LRR1: variants seen among roughly 807,000 people sequenced by gnomAD.
LRR1 encodes the protein leucine rich repeat protein 1.
LRR1 carries 29 observed loss-of-function variants against 31.6 expected under a neutral mutation model. The observed-to-expected ratio is 0.92, with a 90% CI of 0.68 to 1.25. The LOEUF (loss-of-function observed/expected upper bound fraction) is 1.25, where lower values mean the gene tolerates loss of function less well. Among genes scored for constraint, LRR1 ranks in the 50% most tolerant of loss-of-function variants. The pLI, the probability that LRR1 is intolerant of heterozygous loss-of-function variation, is 0.00. For missense variants in LRR1, 485 were observed against 487.2 expected, an observed-to-expected ratio of 1.00 and a Z score of 0.04; for synonymous variants, 179 against 181.4, an observed-to-expected ratio of 0.99 and a Z score of 0.10.
At chr14:49,601,255 C>T in intron 1 of LRR1, 5 of 1,206,414 alleles carry the variant, frequency 4.1e-6, no homozygotes, top group Admixed American at 2.8e-5. Context: ...CCTGCACTTG[C>T]CTTGTCTTGA....
chr14:49,614,546 A>C lies in LRR1; in HGVS notation c.*50A>C. The stretch of plus-strand genomic sequence containing the variant: ...TCAATAACAGATCAGTTTGGGGTGC[A>C]TGTATGATTTTGCAGCGTCAAATTG... On this transcript the variant is annotated 3_prime_UTR_variant, in exon 4 of 4. Transcript: ENST00000298288. The C allele has an allele frequency of 6.2e-7, 1 of 1,610,656 alleles. No homozygotes were observed. Among genetic ancestry groups the C allele is most frequent in the Non-Finnish European group, 8.5e-7 (1 of 1,179,042 alleles).
chr14:49,604,899 T>G (rs555093952), intron 2 of LRR1, among the ~76,000 whole-genome samples: 11 of 151,984 alleles, frequency 7.2e-5, no homozygotes, highest in African/African-American at 2.7e-4. Flanking sequence ...CAACCTTGCT[T>G]TTTTTTTCTT....
intron 2 of LRR1, among the ~76,000 whole-genome samples, chr14:49,603,001 G>GA (rs754827417): frequency 8.7e-6 from 1 of 114,294 alleles, no homozygotes; most frequent in African/African-American, 3.2e-5. Context: ...ATGCGTGGCT[G>GA]ATTTTTTTTT....
chr14:49,599,259 C>G, intron 1 of LRR1, 56 bp downstream of exon 1: 1 of 1,499,974 alleles, frequency 6.7e-7, no homozygotes, highest in Non-Finnish European at 8.9e-7. Flanking sequence ...AGCCGAGACG[C>G]GGGCCACCCT....
intron 2 of LRR1, chr14:49,603,440 TA>T: frequency 4.3e-6 from 1 of 231,094 alleles, no homozygotes; most frequent in Non-Finnish European, 7.5e-6. Context: ...GTTACAAATC[TA>T]AGTTTGTTGT....
At chr14:49,601,625 A>T (rs753938516) in intron 1 of LRR1, 1 of 1,289,690 alleles carries the variant, frequency 7.8e-7, no homozygotes, top group South Asian at 1.2e-5. Flanking sequence ...TGCCCACCCC[A>T]GGCTAATGGA....
chr14:49,601,050 C>T, intron 1 of LRR1: 1 of 1,611,138 alleles, frequency 6.2e-7, no homozygotes, highest in South Asian at 1.1e-5. Flanking sequence ...TCCAGCATAC[C>T]CAGAGTGGTG....
At chr14:49,601,760 A>C in intron 1 of LRR1, 1 of 1,012,672 alleles carries the variant, frequency 9.9e-7, no homozygotes, top group Non-Finnish European at 1.4e-6. Flanking sequence ...GTTACTGGAC[A>C]GACAGAGCAG....
chr14:49,611,145 G>A (rs55728326), intron 3 of LRR1, among the ~76,000 whole-genome samples: 31,965 of 152,056 alleles, frequency 0.21, 3,652 homozygotes, highest in Admixed American at 0.3. Flanking sequence ...ATGGTTCTCA[G>A]ACGTTACTTC....
At chr14:49,611,628 G>T (rs1882515394) in intron 3 of LRR1, among the ~76,000 whole-genome samples, 1 of 150,930 alleles carries the variant, frequency 6.6e-6, no homozygotes, top group East Asian at 2.0e-4. Flanking sequence ...AAAAGAAATT[G>T]TAAGAATTGT....
At chr14:49,612,712 G>T in intron 3 of LRR1, 1 of 872,352 alleles carries the variant, frequency 1.1e-6, no homozygotes, top group South Asian at 3.7e-5. Context: ...GTAAGACTAG[G>T]CTTGTTTATT....
chr14:49,614,587 T>G lies in LRR1; in HGVS notation c.*91T>G. On this transcript the variant is annotated 3_prime_UTR_variant, in exon 4 of 4. Transcript: ENST00000298288. ...CGTCAAATTGGAGTAAGGGAAGATT[T>G]CTGTATACTTGCTGGAGAGGAGGAA... 6.6e-7 allele frequency: 1 copy of G among 1,520,982 alleles called. No homozygotes were observed. Among genetic ancestry groups the G allele is most frequent in the Non-Finnish European group, 9.1e-7 (1 of 1,103,058 alleles). The allele number at this position is 1,520,982 out of a possible 1,614,324, so 94.2% of individuals were successfully genotyped here.
intron 3 of LRR1, among the ~76,000 whole-genome samples, chr14:49,612,023 GATT>G (rs1457192828): frequency 3.3e-5 from 5 of 152,102 alleles, no homozygotes; most frequent in African/African-American, 1.2e-4. Flanking sequence ...GATTTGAAAA[GATT>G]ATAACAAGTT....
chr14:49,603,016 T>A (rs1234644945), intron 2 of LRR1, among the ~76,000 whole-genome samples: 2 of 151,282 alleles, frequency 1.3e-5, no homozygotes, highest in African/African-American at 2.4e-5. Flanking sequence ...TTTTTTTTTT[T>A]TTATCTTTAG....
chr14:49,605,952 C>A (rs918075938), intron 2 of LRR1, among the ~76,000 whole-genome samples: 1 of 152,086 alleles, frequency 6.6e-6, no homozygotes, highest in African/African-American at 2.4e-5. Context: ...AGCTCATTTA[C>A]AATCTGTCCT....
intron 3 of LRR1, among the ~76,000 whole-genome samples, chr14:49,610,023 G>A (rs575687393): frequency 1.3e-5 from 2 of 152,286 alleles, no homozygotes; most frequent in East Asian, 3.9e-4. Flanking sequence ...ACAGGCGTGA[G>A]CCACCACACC....
At chr14:49,607,343 A>G in intron 2 of LRR1, 57 bp from the exon 3 acceptor site, 2 of 1,454,288 alleles carry the variant, frequency 1.4e-6, no homozygotes, top group South Asian at 3.0e-5. Context: ...GGGAAGAACT[A>G]GCATGTATGT....
Position 49,599,128 on chromosome 14 carries a change from T to G in LRR1, c.108T>G (p.Thr36=). The change falls in exon 1 of 4, where the codon ACT becomes ACG. Residue 36 remains threonine, a synonymous_variant. Transcript: ENST00000298288. Reference sequence around the variant, plus strand: ...CCGTGTTGAGCCTCTGTCAGCAGACTTCCAGGAGTCAGCCGCCGGTCCGAG... The same window carrying G: ...CCGTGTTGAGCCTCTGTCAGCAGACGTCCAGGAGTCAGCCGCCGGTCCGAG... The part of the protein sequence containing the change: ...VRAVLSLCQQ[T]SRSQPPVRAF... 1 of 1,609,084 alleles carries G rather than the reference T, an allele frequency of 6.2e-7. No homozygotes were observed. The highest frequency in any genetic ancestry group is 8.5e-7 in the Non-Finnish European group (1 of 1,178,152).
intron 2 of LRR1, among the ~76,000 whole-genome samples, chr14:49,606,019 GCTTT>G (rs1882264244): frequency 7.0e-6 from 1 of 143,096 alleles, no homozygotes; most frequent in Admixed American, 7.4e-5. Context: ...ACAAAAATTA[GCTTT>G]TTTTTTTTTC....
Sources: allele counts gnomAD v4.1 joint callset (sites outside exome capture counted in the v4.1 genomes callset), GRCh38; gene constraint gnomAD v4.1.1; transcripts MANE v1.5; gene names NCBI Gene and HGNC (gene_info 2026-07-23, HGNC 2026-07-21).